Variants in BMX observed in about 807,000 individuals in gnomAD.
BMX encodes BMX non-receptor tyrosine kinase, also known as cytoplasmic tyrosine-protein kinase BMX.
Under a neutral mutation model 59.2 loss-of-function variants are expected in BMX, and 31 were observed. The ratio of observed to expected loss-of-function variants is 0.52; its 90% CI spans 0.39 to 0.71. The LOEUF (loss-of-function observed/expected upper bound fraction) is 0.71, where lower values mean the gene tolerates loss of function less well. BMX is among the 30% of genes least tolerant of loss of function. The probability of loss-of-function intolerance (pLI) is 0.00; values close to 1 mark genes in which losing one functional copy is unlikely to be tolerated. For missense variants in BMX, 474 were observed against 491.7 expected (o/e 0.96, Z 0.34); for synonymous variants, 185 against 181.0 (o/e 1.02, Z -0.18).
At chrX:15,530,721 T>A (rs7056081) in intron 10 of BMX, among the ~76,000 whole-genome samples, 5,770 of 111,675 alleles carry the variant, frequency 0.052, 353 homozygotes, top group African/African-American at 0.17. Flanking sequence ...ACAGAACATG[T>A]TTATCTGACT....
intron 16 of BMX, 52 bp from the exon 17 acceptor site, chrX:15,546,751 C>T: frequency 9.6e-7 from 1 of 1,042,071 alleles, no homozygotes; most frequent in Non-Finnish European, 1.3e-6. Context: ...TGTCCTTCAT[C>T]AGCCTGTACC....
rs1268415414 is a variant in BMX, at chrX:15,552,471, A to G, written c.1953+2474A>G. Among the ~76,000 whole-genome samples the G allele has an allele frequency of 8.9e-5, 10 of 112,536 alleles. No individual in the cohort carries two copies. The East Asian group carries it at 2.5e-3, about 28-fold the overall frequency. Reference sequence around the variant, plus strand: ...CTGAAGATTGTCCTGAGAGGAAGACATAAGTGTTGTGATTAGTAGAAACTT... The same window carrying G: ...CTGAAGATTGTCCTGAGAGGAAGACGTAAGTGTTGTGATTAGTAGAAACTT... On this transcript the variant is annotated intron_variant, in intron 18 of 18. Transcript: ENST00000348343.
chrX:15,534,104 G>A, intron 11 of BMX, 108 bp from the exon 12 acceptor site: 1 of 736,442 alleles, frequency 1.4e-6, no homozygotes, highest in Non-Finnish European at 1.9e-6. Context: ...AAACCTCCCT[G>A]ACTTCCCTCT....
At chrX:15,535,137 A>G (rs1405440769) in intron 12 of BMX, among the ~76,000 whole-genome samples, 1 of 112,071 alleles carries the variant, frequency 8.9e-6, no homozygotes, top group Non-Finnish European at 1.9e-5. Context: ...GAAATGTACA[A>G]TCCTACTAAC....
intron 14 of BMX, among the ~76,000 whole-genome samples, chrX:15,538,165 TTCTCTCTCCC>T (rs917822231): frequency 6.6e-5 from 7 of 106,056 alleles, no homozygotes; most frequent in African/African-American, 2.4e-4. Context: ...CTCTCTCTCT[TTCTCTCTCCC>T]TCTCTCTCCC....
At chrX:15,546,654 A>C (rs1315778924) in intron 16 of BMX, 149 bp from the exon 17 acceptor site, 1 of 418,294 alleles carries the variant, frequency 2.4e-6, no homozygotes, top group African/African-American at 2.5e-5. Flanking sequence ...ACAAACCATA[A>C]GCAGCCTCCA....
chrX:15,524,403 T>G (rs1054773801), intron 7 of BMX, among the ~76,000 whole-genome samples: 1 of 112,523 alleles, frequency 8.9e-6, no homozygotes, highest in African/African-American at 3.2e-5. Context: ...AGTTCAGTAG[T>G]GTTAAGTACA....
intron 7 of BMX, among the ~76,000 whole-genome samples, 157 bp downstream of exon 7, chrX:15,522,744 C>T (rs774229303): frequency 1.2e-4 from 13 of 112,252 alleles, no homozygotes; most frequent in Non-Finnish European, 2.4e-4. Context: ...GCAGTGGCCC[C>T]ACTGGGGCTG....
chrX:15,552,174 C>T (rs1926231958), intron 18 of BMX, among the ~76,000 whole-genome samples: 1 of 112,447 alleles, frequency 8.9e-6, no homozygotes, highest in Non-Finnish European at 1.9e-5. Context: ...TCATGTTAAA[C>T]TTCAAATAAA....
chrX:15,541,731 T>TA (rs768140194), intron 14 of BMX, among the ~76,000 whole-genome samples: 3 of 111,784 alleles, frequency 2.7e-5, no homozygotes, highest in African/African-American at 9.7e-5. Flanking sequence ...GAAAGTTGAA[T>TA]ACAGCATTCA....
At chrX:15,555,578 TTAGAGGGGCACAC>T (rs1474615709) in intron 18 of BMX, among the ~76,000 whole-genome samples, 1 of 111,297 alleles carries the variant, frequency 9.0e-6, no homozygotes, top group East Asian at 2.8e-4. Flanking sequence ...CGTCCCCATT[TTAGAGGGGCACAC>T]TTTTTTAGTG....
chrX:15,514,875 C>A (rs1379046210), intron 4 of BMX, among the ~76,000 whole-genome samples: 1 of 110,380 alleles, frequency 9.1e-6, no homozygotes, highest in Non-Finnish European at 1.9e-5. Context: ...GAATTGGATC[C>A]TTGATCAGAA....
chrX:15,502,754 C>G (rs7062057), intron 1 of BMX, among the ~76,000 whole-genome samples: 1 of 111,701 alleles, frequency 9.0e-6, no homozygotes, highest in African/African-American at 3.3e-5. Flanking sequence ...TTTACTTGAT[C>G]CTCAGTCAAA....
intron 4 of BMX, among the ~76,000 whole-genome samples, chrX:15,514,471 C>T (rs1005635876): frequency 1.5e-4 from 17 of 111,325 alleles, no homozygotes; most frequent in African/African-American, 4.6e-4. Context: ...TATCTCCATA[C>T]GCTTCCTTGA....
At chrX:15,529,513 C>T (rs1260676243) in intron 9 of BMX, among the ~76,000 whole-genome samples, 1 of 112,376 alleles carries the variant, frequency 8.9e-6, no homozygotes, top group African/African-American at 3.2e-5. Context: ...CAGCTCTTGG[C>T]CTGTTGAGCT....
At chrX:15,552,320 T>C (rs1788159707) in intron 18 of BMX, among the ~76,000 whole-genome samples, 1 of 111,975 alleles carries the variant, frequency 8.9e-6, no homozygotes, top group Non-Finnish European at 1.9e-5. Context: ...CCTTTATAAA[T>C]AGCCAGCCAG....
chrX:15,511,726 A>G (rs961698581), intron 4 of BMX, among the ~76,000 whole-genome samples: 28 of 111,067 alleles, frequency 2.5e-4, no homozygotes, highest in Admixed American at 1.3e-3. Flanking sequence ...AAGCCTGTGG[A>G]TTGGATTCCC....
chrX:15,517,779 C>A (rs1924230310), intron 5 of BMX, 150 bp from the exon 6 acceptor site: 2 of 486,386 alleles, frequency 4.1e-6, no homozygotes. Context: ...TATAGGAAAG[C>A]TACAGAATCA....
In BMX at chrX:15,541,970, T is replaced by C; in HGVS notation, c.1395-12T>C. The C allele has an allele frequency of 8.3e-7, 1 of 1,199,506 alleles. No individual in the cohort carries two copies. The highest frequency in any genetic ancestry group is 1.1e-6 in the Non-Finnish European group (1 of 885,955). ...TGTGGAGCATTGAACTTTGAAAATC[T>C]GTTATTTCCAGGAAACTCAGCCATC... On this transcript the variant is annotated splice_polypyrimidine_tract_variant and intron_variant, in intron 14 of 18. Transcript: ENST00000348343.
Sources: gnomAD v4.1 joint callset for allele counts (sites outside exome capture counted in the v4.1 genomes callset) on GRCh38, gnomAD v4.1.1 for gene constraint, MANE v1.5 for transcripts, NCBI Gene and HGNC (gene_info 2026-07-23, HGNC 2026-07-21) for gene names.